SPMAP2L: variants seen among roughly 807,000 people sequenced by gnomAD.
The protein encoded by SPMAP2L is sperm microtubule associated protein 2-like.
chr4:56,578,002 A>T, the SPMAP2L span, among the ~76,000 whole-genome samples: 3 of 152,184 alleles, frequency 2.0e-5, no homozygotes, highest in Non-Finnish European at 4.4e-5. Flanking sequence ...ATTTGACAAT[A>T]ACTCAAATCC....
the SPMAP2L span, chr4:56,601,134 G>C: frequency 6.6e-7 from 1 of 1,523,976 alleles, no homozygotes; most frequent in East Asian, 2.5e-5. Flanking sequence ...GGCTAAAGTG[G>C]GACAGGAAAG....
At chr4:56,537,962 G>A in the SPMAP2L span, among the ~76,000 whole-genome samples, 3 of 151,410 alleles carry the variant, frequency 2.0e-5, no homozygotes, top group Admixed American at 2.0e-4. Context: ...CAAAGTGCTG[G>A]GATTACAGGC....
At chr4:56,620,961 G>A in the SPMAP2L span, among the ~76,000 whole-genome samples, 2 of 152,254 alleles carry the variant, frequency 1.3e-5, no homozygotes, top group South Asian at 4.2e-4. Context: ...TTCTGTGAGT[G>A]AGGTTAGTAT....
At chr4:56,552,149 T>C in the SPMAP2L span, among the ~76,000 whole-genome samples, 2 of 152,194 alleles carry the variant, frequency 1.3e-5, no homozygotes, top group African/African-American at 2.4e-5. Context: ...GCCTATTTCA[T>C]AGTTTTTCCA....
chr4:56,560,992 C>T, the SPMAP2L span, among the ~76,000 whole-genome samples: 1 of 151,918 alleles, frequency 6.6e-6, no homozygotes, highest in African/African-American at 2.4e-5. Context: ...GTGAGCCACC[C>T]ACCTGGGCCT....
chr4:56,621,199 T>C, the SPMAP2L span, among the ~76,000 whole-genome samples: 2 of 152,102 alleles, frequency 1.3e-5, no homozygotes, highest in East Asian at 1.9e-4. Flanking sequence ...TAGGAGACTA[T>C]AGGAAAAATT....
chr4:56,599,078 C>A, the SPMAP2L span, among the ~76,000 whole-genome samples: 2 of 152,034 alleles, frequency 1.3e-5, no homozygotes, highest in Non-Finnish European at 2.9e-5. Flanking sequence ...TCCATTAAAC[C>A]TCTTTTTCTT....
At chr4:56,603,949 C>G in the SPMAP2L span, among the ~76,000 whole-genome samples, 1 of 152,140 alleles carries the variant, frequency 6.6e-6, no homozygotes, top group East Asian at 1.9e-4. Flanking sequence ...AGAGAAAAAG[C>G]TGTTTGGTAA....
the SPMAP2L span, chr4:56,594,526 T>G: frequency 1.2e-6 from 2 of 1,608,246 alleles, no homozygotes; most frequent in Non-Finnish European, 1.7e-6. Context: ...AGGGAGAATA[T>G]GCTGGACTGG....
At chr4:56,535,731 T>A in the SPMAP2L span, among the ~76,000 whole-genome samples, 13 of 152,132 alleles carry the variant, frequency 8.5e-5, no homozygotes, top group Non-Finnish European at 1.8e-4. Flanking sequence ...TCTTGCACCA[T>A]CCCCGGTTCA....
the SPMAP2L span, among the ~76,000 whole-genome samples, chr4:56,568,429 G>A: frequency 6.6e-6 from 1 of 152,002 alleles, no homozygotes; most frequent in Non-Finnish European, 1.5e-5. Context: ...TTTGTTTTGG[G>A]ATGTAGTTAC....
chr4:56,586,308 C>T, the SPMAP2L span, among the ~76,000 whole-genome samples: 1 of 152,150 alleles, frequency 6.6e-6, no homozygotes, highest in Non-Finnish European at 1.5e-5. Context: ...AGGGCCCACT[C>T]CCTGGCTTGC....
the SPMAP2L span, among the ~76,000 whole-genome samples, chr4:56,619,573 T>C: frequency 6.6e-6 from 1 of 152,262 alleles, no homozygotes; most frequent in African/African-American, 2.4e-5. Context: ...AGGATTTCCT[T>C]CTTTGTTAAG....
chr4:56,579,593 G>A, the SPMAP2L span, among the ~76,000 whole-genome samples: 1 of 152,062 alleles, frequency 6.6e-6, no homozygotes, highest in African/African-American at 2.4e-5. Context: ...AACATAGTGA[G>A]ACCCTATCTC....
the SPMAP2L span, among the ~76,000 whole-genome samples, chr4:56,577,949 G>A: frequency 1.7e-4 from 26 of 152,270 alleles, no homozygotes; most frequent in East Asian, 4.4e-3. Context: ...CTGCATTAAA[G>A]CCTTGGTGAC....
chr4:56,589,764 A>T, the SPMAP2L span, among the ~76,000 whole-genome samples: 993 of 143,026 alleles, frequency 6.9e-3, 13 homozygotes, highest in African/African-American at 0.024. Context: ...TTTTTGTTTT[A>T]TTTTTTTTGC....
the SPMAP2L span, chr4:56,531,054 G>GC: frequency 3.3e-6 from 5 of 1,535,500 alleles, no homozygotes; most frequent in Non-Finnish European, 4.4e-6. Flanking sequence ...ACACCCGTGA[G>GC]CCCCGCAAGT....
the SPMAP2L span, among the ~76,000 whole-genome samples, chr4:56,568,086 C>T: frequency 6.6e-6 from 1 of 152,062 alleles, no homozygotes; most frequent in Non-Finnish European, 1.5e-5. Flanking sequence ...GTTTGTCTCA[C>T]CCAGAGTATT....
chr4:56,573,658 A>G, the SPMAP2L span, among the ~76,000 whole-genome samples: 1 of 152,148 alleles, frequency 6.6e-6, no homozygotes, highest in African/African-American at 2.4e-5. Context: ...ATTTCCTTCA[A>G]AAGGCCAATC....
Sources: gnomAD v4.1 joint callset for allele counts (sites outside exome capture counted in the v4.1 genomes callset) on GRCh38, gnomAD v4.1.1 for gene constraint, MANE v1.5 for transcripts, NCBI Gene and HGNC (gene_info 2026-07-23, HGNC 2026-07-21) for gene names.